NFIX: variants seen among roughly 807,000 people sequenced by gnomAD.
The protein encoded by NFIX is nuclear factor I X.
NFIX carries 2 observed loss-of-function variants against 53.3 expected under a neutral mutation model. The observed-to-expected ratio is 0.04, with a 90% CI of 0.02 to 0.12. The LOEUF is 0.12. Ranked by LOEUF, NFIX falls within the 10% of genes least tolerant of loss-of-function variation. NFIX has a pLI of 1.00. For synonymous variants in NFIX, 244 were observed against 289.0 expected (o/e 0.84, Z 1.58); for missense variants, 310 against 674.5 (o/e 0.46, Z 5.99).
In NFIX at chr19:13,025,563, C is replaced by G; in HGVS notation, c.559+11C>G. 3 of 1,598,532 alleles carry G rather than the reference C, an allele frequency of 1.9e-6. No homozygotes were observed. The highest frequency in any genetic ancestry group is 2.6e-6 in the Non-Finnish European group (3 of 1,170,424). ...TTGTCCACACTCCGGGTAGGTCGTT[C>G]TCAACCATTTTTCCCTCTCATTTTA... On this transcript the variant is annotated intron_variant, in intron 2 of 10. Coordinates refer to ENST00000592199, the MANE Select transcript of NFIX (RefSeq NM_001365902.3). This position sits in a 1 kb window ranked among gnomAD's most constrained non-coding sequence, Gnocchi z 7.5.
chr19:13,091,269 A>T (rs2018119296), intron 10 of NFIX, among the ~76,000 whole-genome samples: 1 of 151,746 alleles, frequency 6.6e-6, no homozygotes, highest in Non-Finnish European at 1.5e-5. Context: ...CTCTCTCAAG[A>T]GCCCCTGGGG....
chr19:13,083,640 C>T (rs983253966), intron 8 of NFIX, among the ~76,000 whole-genome samples: 19 of 152,188 alleles, frequency 1.2e-4, no homozygotes, highest in African/African-American at 4.3e-4. Context: ...GACAAAACAC[C>T]GCAAACAGGC....
chr19:13,018,097 A>AT (rs1455496114), intron 1 of NFIX, among the ~76,000 whole-genome samples: 9 of 152,170 alleles, frequency 5.9e-5, no homozygotes, highest in African/African-American at 1.9e-4. Context: ...AAAGAGTAGG[A>AT]TTTTTGTTTC....
chr19:13,035,461 C>T (rs1043380935), intron 2 of NFIX, among the ~76,000 whole-genome samples: 1 of 152,194 alleles, frequency 6.6e-6, no homozygotes, highest in Non-Finnish European at 1.5e-5. Flanking sequence ...TGGGCTGACC[C>T]AGGCCTGTGC....
intron 1 of NFIX, among the ~76,000 whole-genome samples, chr19:13,020,287 T>C (rs554333802): frequency 6.6e-6 from 1 of 152,306 alleles, no homozygotes; most frequent in Non-Finnish European, 1.5e-5. Context: ...GTGTCTGGGC[T>C]GATGGCCGCC....
Position 13,089,947 on chromosome 19 carries a change from G to A in NFIX, c.1403-352G>A, listed in dbSNP as rs765818098. ...CAGCCCTGCCCAGTGCCTCACTAGC[G>A]GGTGGAACTGGGTCCAGGAGACTTG... On this transcript the variant is annotated intron_variant, in intron 9 of 10. Transcript: ENST00000592199. This position sits in a 1 kb window ranked among gnomAD's most constrained non-coding sequence, Gnocchi z 4.8. Among the ~76,000 whole-genome samples, 5 of 152,104 alleles carry A rather than the reference G, an allele frequency of 3.3e-5. No homozygotes were observed. Among genetic ancestry groups the A allele is most frequent in the Non-Finnish European group, 5.9e-5 (4 of 67,972 alleles).
Position 13,014,514 on chromosome 19 carries a change from A to G in NFIX, c.28-10507A>G, listed in dbSNP as rs1430978761. The G allele has an allele frequency of 1.3e-5, 2 of 152,218 alleles. No homozygotes were observed. The highest frequency in any genetic ancestry group is 2.4e-5 in the African/African-American group (1 of 41,456). 9.4% of individuals were successfully genotyped at this position (152,218 alleles called of 1,614,324 possible). A position where few individuals can be genotyped will look rare whatever the true frequency, so the allele number is the denominator to read the frequency against. ...CTGCCTACTCTGCATCCTCTCCCCT[A>G]AAAAGAATCAAGTATTTCTAGAGAT... On this transcript the variant is annotated intron_variant, in intron 1 of 10. Coordinates refer to ENST00000592199, the MANE Select transcript of NFIX (RefSeq NM_001365902.3). This position sits in a 1 kb window ranked among gnomAD's most constrained non-coding sequence, Gnocchi z 4.4.
chr19:13,020,535 G>A (rs1482356956), intron 1 of NFIX, among the ~76,000 whole-genome samples: 2 of 152,176 alleles, frequency 1.3e-5, no homozygotes, highest in Non-Finnish European at 2.9e-5. Context: ...ATGGGGTGAG[G>A]GGAAAGTATT....
chr19:13,034,211 T>C (rs1282107918), intron 2 of NFIX, among the ~76,000 whole-genome samples: 1 of 152,172 alleles, frequency 6.6e-6, no homozygotes, highest in Non-Finnish European at 1.5e-5. Context: ...TCTCTGTCAC[T>C]CTCTAGAAGA....
rs1038590697 is a variant in NFIX, at chr19:12,998,948, C to T, written c.27+3084C>T. ...CACACATAAACACTCACAAACCCCT[C>T]GAGATGATACAGATAGCGACGAAGG... On this transcript the variant is annotated intron_variant, in intron 1 of 10. Transcript: ENST00000592199. This position sits in a 1 kb window ranked among gnomAD's most constrained non-coding sequence, Gnocchi z 4.4. Among the ~76,000 whole-genome samples, 7 of 152,098 alleles carry T rather than the reference C, an allele frequency of 4.6e-5. No homozygotes were observed. Among genetic ancestry groups the T allele is most frequent in the Non-Finnish European group, 8.8e-5 (6 of 68,010 alleles).
rs886647252 is a variant in NFIX at position 13,036,607 on chromosome 19, G to A, written c.559+11055G>A. Among the ~76,000 whole-genome samples the A allele has an allele frequency of 5.9e-5, 9 of 152,326 alleles. No homozygotes were observed. Among genetic ancestry groups the A allele is most frequent in the African/African-American group, 1.4e-4 (6 of 41,560 alleles). On this transcript the variant is annotated intron_variant, in intron 2 of 10. Transcript: ENST00000592199. This position sits in a 1 kb window ranked among gnomAD's most constrained non-coding sequence, Gnocchi z 4.7. ...GAGGCCAGCCGAGTGCAGCCCTTGG[G>A]GAGTGTGTCCTTATTATGCCTGCAG...
chr19:13,086,391 GT>G (rs2017781596), intron 8 of NFIX, among the ~76,000 whole-genome samples: 1 of 152,216 alleles, frequency 6.6e-6, no homozygotes, highest in Non-Finnish European at 1.5e-5. Flanking sequence ...AGACATGGCT[GT>G]GAATTCCAGG....
intron 2 of NFIX, chr19:13,070,620 T>C (rs919341117): frequency 2.6e-5 from 4 of 152,392 alleles, no homozygotes; most frequent in African/African-American, 7.2e-5. Flanking sequence ...GGTCGCGGCA[T>C]TGTGGGCCTC....
At chr19:13,015,315 A>T (rs2012598518) in intron 1 of NFIX, among the ~76,000 whole-genome samples, 4 of 152,090 alleles carry the variant, frequency 2.6e-5, no homozygotes, top group Non-Finnish European at 5.9e-5. Context: ...TGCTAGTGAA[A>T]GTGAGGGGGG....
chr19:13,046,725 C>T (rs957545565), intron 2 of NFIX, among the ~76,000 whole-genome samples: 3 of 152,060 alleles, frequency 2.0e-5, no homozygotes, highest in South Asian at 2.1e-4. Context: ...TGTATGCCAG[C>T]GTCTTTTTGT....
At position 13,011,173 on chromosome 19, in the gene NFIX, T is replaced by A. The variant is rs747070421; in HGVS notation, c.28-13848T>A. On this transcript the variant is annotated intron_variant, in intron 1 of 10. Transcript: ENST00000592199. This position sits in a 1 kb window ranked among gnomAD's most constrained non-coding sequence, Gnocchi z 6.5. ...CACTGCGGACGGACATCCCACGTTC[T>A]TAAAGACCGGGGACCCCCCCTCCCC... 4.5e-4 allele frequency among the ~76,000 whole-genome samples: 68 copies of A among 152,044 alleles called. No homozygotes were observed. Among genetic ancestry groups the A allele is most frequent in the Non-Finnish European group, 9.1e-4 (62 of 67,978 alleles).
chr19:13,035,851 G>T (rs2014148466), intron 2 of NFIX, among the ~76,000 whole-genome samples: 1 of 152,166 alleles, frequency 6.6e-6, no homozygotes, highest in African/African-American at 2.4e-5. Context: ...TGCCATTGTG[G>T]TCTTAACTCT....
chr19:13,061,760 G>A (rs2016107577), intron 2 of NFIX, among the ~76,000 whole-genome samples: 1 of 152,098 alleles, frequency 6.6e-6, no homozygotes, highest in South Asian at 2.1e-4. Context: ...TGCAAGCTTG[G>A]TACTTTATAG....
intron 1 of NFIX, among the ~76,000 whole-genome samples, chr19:13,018,697 C>T (rs2012802931): frequency 6.6e-6 from 1 of 152,260 alleles, no homozygotes; most frequent in Non-Finnish European, 1.5e-5. Context: ...CCTTCCCTGG[C>T]TGCCCAGTGC....
Sources: gnomAD v4.1 joint callset for allele counts (sites outside exome capture counted in the v4.1 genomes callset) on GRCh38, gnomAD v4.1.1 for gene constraint, Gnocchi (gnomAD v3.1) non-coding constraint, MANE v1.5 for transcripts, NCBI Gene and HGNC (gene_info 2026-07-23, HGNC 2026-07-21) for gene names.